Variants in SDK1 observed in about 807,000 individuals in gnomAD.
SDK1 encodes sidekick cell adhesion molecule 1.
In SDK1, 157 loss-of-function variants were observed where a neutral mutation model predicts 245.5. The observed-to-expected ratio is 0.64, with a 90% CI of 0.56 to 0.73. SDK1 has a LOEUF of 0.73. Ranked by LOEUF, SDK1 falls within the 30% of genes least tolerant of loss-of-function variation. The pLI is 0.00. For missense variants in SDK1, 3,583 were observed against 3,002.3 expected (o/e 1.19, Z -4.52); for synonymous variants, 1,647 against 1,278.5 (o/e 1.29, Z -6.15).
intron 1 of SDK1, among the ~76,000 whole-genome samples, chr7:3,336,902 A>AATGTGC (rs1279591379): frequency 1.3e-5 from 2 of 152,186 alleles, no homozygotes; most frequent in Non-Finnish European, 2.9e-5. Context: ...TGGGTAACTG[A>AATGTGC]ATGTGCATAC....
chr7:3,580,984 A>AAAAAAAAAAAAAAAC lies in SDK1; in HGVS notation c.299-38086_299-38085insAAAACAAAAAAAAAA. Among the ~76,000 whole-genome samples the AAAAAAAAAAAAAAAC allele has an allele frequency of 3.6e-5, 5 of 139,392 alleles. 1 individual carries two copies. The highest frequency in any genetic ancestry group is 1.3e-4 in the African/African-American group (5 of 37,500). 91.4% of individuals were successfully genotyped at this position (139,392 alleles called of 152,430 possible). A position where few individuals can be genotyped will look rare whatever the true frequency, so the allele number is the denominator to read the frequency against. On this transcript the variant is annotated intron_variant, in intron 1 of 44. Transcript: ENST00000404826. ...ACTCCATCTCAAAAAAAAAAAAAAA[A>AAAAAAAAAAAAAAAC]AAAAAAAAAACCAAAACAAAACCCT...
Position 3,435,730 on chromosome 7 carries a change from C to G in SDK1, c.298+133846C>G, listed in dbSNP as rs77648489. ...CCTACTTTACATGCCCCACCTAAGT[C>G]CAACTCCCACTGCCTGTCTTCTAAG... On this transcript the variant is annotated intron_variant, in intron 1 of 44. Transcript: ENST00000404826. Among the ~76,000 whole-genome samples the G allele has an allele frequency of 9.3e-3, 1,417 of 152,190 alleles. 23 individuals are homozygous for G. The highest frequency in any genetic ancestry group is 0.032 in the African/African-American group (1,332 of 41,528).
intron 1 of SDK1, among the ~76,000 whole-genome samples, chr7:3,368,397 T>C (rs1781143505): frequency 6.6e-6 from 1 of 152,200 alleles, no homozygotes; most frequent in Non-Finnish European, 1.5e-5. Context: ...GTGGGAAACA[T>C]TTTTCTCCAA....
intron 4 of SDK1, among the ~76,000 whole-genome samples, chr7:3,677,422 GC>G (rs1415235598): frequency 6.6e-6 from 1 of 152,166 alleles, no homozygotes; most frequent in Non-Finnish European, 1.5e-5. Context: ...CACAATCATG[GC>G]TGAAGGTGAA....
At chr7:3,638,976 A>G (rs1408313026) in intron 2 of SDK1, 28 bp from the exon 3 acceptor site, 12 of 1,445,178 alleles carry the variant, frequency 8.3e-6, no homozygotes, top group Non-Finnish European at 1.2e-5. Flanking sequence ...GGATATAAGC[A>G]TTAACACTTC....
chr7:3,881,327 C>T (rs772678065), intron 5 of SDK1, among the ~76,000 whole-genome samples: 63 of 152,152 alleles, frequency 4.1e-4, no homozygotes, highest in Non-Finnish European at 5.6e-4. Flanking sequence ...TCGTTCAGCT[C>T]CCACTTAGAA....
At chr7:3,734,958 C>A (rs1459710674) in intron 4 of SDK1, among the ~76,000 whole-genome samples, 1 of 152,094 alleles carries the variant, frequency 6.6e-6, no homozygotes, top group African/African-American at 2.4e-5. Context: ...CCTTCATTCT[C>A]CCGACGTGCA....
chr7:3,349,906 A>G (rs1238761806), intron 1 of SDK1, among the ~76,000 whole-genome samples: 1 of 152,132 alleles, frequency 6.6e-6, no homozygotes, highest in Non-Finnish European at 1.5e-5. Flanking sequence ...CCGGCCTAAG[A>G]GTACATGTAT....
At chr7:3,855,574 T>G (rs1022146925) in intron 5 of SDK1, among the ~76,000 whole-genome samples, 1 of 151,878 alleles carries the variant, frequency 6.6e-6, no homozygotes, top group Non-Finnish European at 1.5e-5. Context: ...TAAAAAAAAG[T>G]TAATGGACAT....
chr7:3,929,611 T>C (rs937777819), intron 5 of SDK1, among the ~76,000 whole-genome samples: 4 of 152,204 alleles, frequency 2.6e-5, no homozygotes, highest in Admixed American at 2.6e-4. Context: ...AAAATGTTGA[T>C]TGAAGTGTTA....
At chr7:4,004,298 A>G (rs944578383) in intron 14 of SDK1, among the ~76,000 whole-genome samples, 1 of 152,204 alleles carries the variant, frequency 6.6e-6, no homozygotes, top group Non-Finnish European at 1.5e-5. Context: ...GCTAATACTT[A>G]TATTTCAGGA....
intron 1 of SDK1, among the ~76,000 whole-genome samples, chr7:3,472,150 C>G (rs1213445445): frequency 1.3e-5 from 2 of 152,138 alleles, no homozygotes; most frequent in Non-Finnish European, 2.9e-5. Context: ...ATAGTTCCCT[C>G]CATTACTTTT....
chr7:3,964,522 A>C (rs907333517), intron 9 of SDK1, among the ~76,000 whole-genome samples: 1 of 151,334 alleles, frequency 6.6e-6, no homozygotes, highest in Non-Finnish European at 1.5e-5. Flanking sequence ...TTCTTTTGTG[A>C]GTTTCTTTTA....
chr7:3,312,589 A>G (rs1166573749), intron 1 of SDK1, among the ~76,000 whole-genome samples: 1 of 152,134 alleles, frequency 6.6e-6, no homozygotes, highest in Non-Finnish European at 1.5e-5. Flanking sequence ...AAAAAAAATA[A>G]CCTCAATGGA....
At chr7:3,542,360 C>G (rs947217685) in intron 1 of SDK1, among the ~76,000 whole-genome samples, 1 of 152,200 alleles carries the variant, frequency 6.6e-6, no homozygotes, top group South Asian at 2.1e-4. Flanking sequence ...GTCCTTTCAG[C>G]CTGTGCCTTG....
chr7:4,178,248 C>T (rs571098869), intron 34 of SDK1, among the ~76,000 whole-genome samples: 1 of 152,176 alleles, frequency 6.6e-6, no homozygotes, highest in African/African-American at 2.4e-5. Flanking sequence ...CTGCCTCTTA[C>T]CTGAACACAG....
At chr7:3,696,478 A>G (rs533877790) in intron 4 of SDK1, among the ~76,000 whole-genome samples, 2 of 152,168 alleles carry the variant, frequency 1.3e-5, no homozygotes, top group South Asian at 4.1e-4. Context: ...ACTAATTCCT[A>G]TATAATCCTC....
chr7:3,423,129 G>C (rs1375238973), intron 1 of SDK1, among the ~76,000 whole-genome samples: 2 of 152,158 alleles, frequency 1.3e-5, no homozygotes, highest in South Asian at 2.1e-4. Flanking sequence ...TGTAAATCCA[G>C]GTTGTAAAGA....
intron 1 of SDK1, among the ~76,000 whole-genome samples, chr7:3,465,194 C>T (rs1293321268): frequency 2.6e-5 from 4 of 152,116 alleles, no homozygotes; most frequent in Admixed American, 2.0e-4. Context: ...CTAGAGTGTG[C>T]TTTTTGACTT....
Sources: allele counts gnomAD v4.1 joint callset (sites outside exome capture counted in the v4.1 genomes callset), GRCh38; gene constraint gnomAD v4.1.1; transcripts MANE v1.5; gene names NCBI Gene and HGNC (gene_info 2026-07-23, HGNC 2026-07-21).